The following FRMPD4 variants were observed in gnomAD, a reference collection of about 807,000 sequenced individuals.
FRMPD4 encodes FERM and PDZ domain containing 4, also known as FERM and PDZ domain-containing protein 4.
FRMPD4 carries 22 observed loss-of-function variants against 94.1 expected under a neutral mutation model. The ratio of observed to expected loss-of-function variants is 0.23; its 90% confidence interval spans 0.17 to 0.33. FRMPD4 has a LOEUF of 0.33. Ranked by LOEUF, FRMPD4 falls within the 10% of genes least tolerant of loss-of-function variation. FRMPD4 has a pLI of 1.00. For missense variants in FRMPD4, 1,111 were observed against 1,339.9 expected, an observed-to-expected ratio of 0.83 and a Z score of 2.67; for synonymous variants, 631 against 548.6, an observed-to-expected ratio of 1.15 and a Z score of -2.10.
intron 3 of FRMPD4, among the ~76,000 whole-genome samples, chrX:12,052,051 C>G (rs2054821540): frequency 9.0e-6 from 1 of 111,630 alleles, no homozygotes; most frequent in Non-Finnish European, 1.9e-5. Flanking sequence ...CTCATTTGGA[C>G]ATATTTTAAG....
chrX:12,011,894 T>C (rs985291285), intron 3 of FRMPD4, among the ~76,000 whole-genome samples: 7 of 108,052 alleles, frequency 6.5e-5, no homozygotes, highest in African/African-American at 2.4e-4. Context: ...TACTTCTTTC[T>C]TTACGATCTG....
In FRMPD4 at chrX:12,683,497, A is replaced by G. The variant is rs931305354; in HGVS notation, c.483A>G (p.Ala161=). The change falls in exon 6 of 17, where the codon GCA becomes GCG. Residue 161 remains alanine, a synonymous_variant. Coordinates refer to ENST00000675598, the MANE Select transcript of FRMPD4 (RefSeq NM_001368397.1). Reference sequence around the variant, plus strand: ...TTTTCTTCTAGTCTCCCAAATCAGCATTTATTAGTGCTGCAAAAAAGGCAA... The same window carrying G: ...TTTTCTTCTAGTCTCCCAAATCAGCGTTTATTAGTGCTGCAAAAAAGGCAA... ...VIQPYPSPKS[A]FISAAKKARL... 8.8e-7 allele frequency: 1 copy of G among 1,138,678 alleles called. No homozygotes were observed. Among genetic ancestry groups the G allele is most frequent in the Non-Finnish European group, 1.2e-6 (1 of 830,278 alleles). The allele number at this position is 1,138,678 out of a possible 1,213,427, so 93.8% of individuals were successfully genotyped here. A position where few individuals can be genotyped will look rare whatever the true frequency, so the allele number is the denominator to read the frequency against.
chrX:12,639,035 A>C (rs914935446), intron 4 of FRMPD4, among the ~76,000 whole-genome samples: 2 of 111,924 alleles, frequency 1.8e-5, no homozygotes, highest in South Asian at 3.8e-4. Context: ...AGTCATCAGA[A>C]GCCCTTTTTC....
chrX:12,354,118 G>A (rs2055857656), intron 1 of FRMPD4, among the ~76,000 whole-genome samples: 1 of 111,938 alleles, frequency 8.9e-6, no homozygotes, highest in Admixed American at 9.5e-5. Context: ...ACATAACCTA[G>A]TACAAATTTA....
chrX:12,299,986 C>G (rs2054834905), intron 1 of FRMPD4, among the ~76,000 whole-genome samples: 1 of 112,007 alleles, frequency 8.9e-6, no homozygotes, highest in Non-Finnish European at 1.9e-5. Flanking sequence ...TAAAAGCTTA[C>G]AAAATTCAAG....
chrX:12,562,602 T>C (rs62589006), intron 2 of FRMPD4, among the ~76,000 whole-genome samples: 49,878 of 111,026 alleles, frequency 0.45, 8,345 homozygotes, highest in Non-Finnish European at 0.53. Context: ...ATGGTGTTAG[T>C]TGAAAGCAGA....
chrX:12,559,249 G>A (rs192315642), intron 2 of FRMPD4, among the ~76,000 whole-genome samples: 32 of 112,438 alleles, frequency 2.8e-4, no homozygotes, highest in Non-Finnish European at 4.9e-4. Context: ...TTGTAGAAAG[G>A]ATTAGGTCAA....
intron 1 of FRMPD4, among the ~76,000 whole-genome samples, chrX:12,393,830 G>C (rs776548392): frequency 8.9e-6 from 1 of 111,969 alleles, no homozygotes; most frequent in South Asian, 3.7e-4. Flanking sequence ...TTTCTCTTCA[G>C]ATCTACTCAG....
intron 2 of FRMPD4, among the ~76,000 whole-genome samples, chrX:12,562,013 A>G (rs1467593834): frequency 1.8e-5 from 2 of 112,447 alleles, no homozygotes; most frequent in African/African-American, 6.5e-5. Context: ...ACAGATGTCA[A>G]TCCTGCATTC....
chrX:12,646,389 T>C (rs1445556084), intron 4 of FRMPD4, among the ~76,000 whole-genome samples: 1 of 111,950 alleles, frequency 8.9e-6, no homozygotes, highest in Admixed American at 9.5e-5. Context: ...TGCTTTGCCA[T>C]GGATAAAGTA....
chrX:12,241,966 G>A (rs186956445), intron 1 of FRMPD4, among the ~76,000 whole-genome samples: 61 of 55,328 alleles, frequency 1.1e-3, no homozygotes, highest in African/African-American at 3.0e-3. Context: ...AGGAGGAGGA[G>A]GAGGAAGAGG....
intron 1 of FRMPD4, among the ~76,000 whole-genome samples, chrX:12,489,401 C>T (rs2057770267): frequency 8.9e-6 from 1 of 112,177 alleles, no homozygotes; most frequent in Non-Finnish European, 1.9e-5. Context: ...TTGAATATTT[C>T]GTATACATGT....
At chrX:12,432,300 A>T (rs755002096) in intron 1 of FRMPD4, among the ~76,000 whole-genome samples, 1 of 112,218 alleles carries the variant, frequency 8.9e-6, no homozygotes, top group Non-Finnish European at 1.9e-5. Context: ...TAACATCCAA[A>T]ATAGCATGTC....
At chrX:11,870,813 C>T (rs891477807) in intron 2 of FRMPD4, among the ~76,000 whole-genome samples, 3 of 112,324 alleles carry the variant, frequency 2.7e-5, no homozygotes, top group African/African-American at 9.7e-5. Context: ...ACTCTCTGAG[C>T]CATAATGTAC....
At chrX:12,282,401 A>C (rs992698969) in intron 1 of FRMPD4, among the ~76,000 whole-genome samples, 1 of 112,576 alleles carries the variant, frequency 8.9e-6, no homozygotes, top group Non-Finnish European at 1.9e-5. Context: ...GAAAGTTTTA[A>C]TGTATAATAT....
At position 12,384,734 on chromosome X, in the gene FRMPD4, A is replaced by G. The variant is rs555237653; in HGVS notation, c.42-113946A>G. Reference sequence around the variant, plus strand: ...GTTGCAAAGAGTATTACAGGAAAACAAGGTTATACCTTCAGATAAATTTAG... The same window carrying G: ...GTTGCAAAGAGTATTACAGGAAAACGAGGTTATACCTTCAGATAAATTTAG... On this transcript the variant is annotated intron_variant, in intron 1 of 16. Coordinates refer to ENST00000675598, the MANE Select transcript of FRMPD4 (RefSeq NM_001368397.1). Among the ~76,000 whole-genome samples, 490 of 112,070 alleles carry G rather than the reference A, an allele frequency of 4.4e-3. 2 individuals carry two copies. Among genetic ancestry groups the G allele is most frequent in the African/African-American group, 0.015 (469 of 30,878 alleles).
intron 4 of FRMPD4, among the ~76,000 whole-genome samples, chrX:12,656,840 G>A (rs2059661314): frequency 2.7e-5 from 3 of 111,475 alleles, no homozygotes; most frequent in Admixed American, 9.5e-5. Flanking sequence ...TGTAATTCCA[G>A]CACTTTGGGA....
At chrX:12,565,710 A>T (rs2058705276) in intron 2 of FRMPD4, among the ~76,000 whole-genome samples, 1 of 112,131 alleles carries the variant, frequency 8.9e-6, no homozygotes. Flanking sequence ...AGGCACATTA[A>T]TGGAAAAACT....
intron 3 of FRMPD4, among the ~76,000 whole-genome samples, chrX:11,981,098 G>T (rs1270320662): frequency 1.8e-5 from 2 of 111,362 alleles, no homozygotes; most frequent in East Asian, 5.6e-4. Context: ...CTAATATCTG[G>T]CCTTTTATAG....
Sources: gnomAD v4.1 joint callset for allele counts (sites outside exome capture counted in the v4.1 genomes callset) on GRCh38, gnomAD v4.1.1 for gene constraint, MANE v1.5 for transcripts, NCBI Gene and HGNC (gene_info 2026-07-23, HGNC 2026-07-21) for gene names.